The following ALG13 variants were observed in gnomAD, a reference collection of about 807,000 sequenced individuals.
ALG13 encodes the protein UDP-N-acetylglucosamine transferase subunit ALG13.
In ALG13, 11 loss-of-function variants were observed where a neutral mutation model predicts 87.8. The observed-to-expected ratio is 0.13, with a 90% CI of 0.08 to 0.21. The LOEUF (loss-of-function observed/expected upper bound fraction) is 0.21. Among genes scored for constraint, ALG13 ranks in the 10% least tolerant of loss-of-function variants. ALG13 has a pLI of 1.00. For missense variants in ALG13, 756 were observed against 866.1 expected (o/e 0.87, Z 1.60); for synonymous variants, 320 against 306.3 (o/e 1.04, Z -0.47).
chrX:111,735,053 T>C lies in ALG13; in HGVS notation c.2460T>C (p.Ser820=), dbSNP rs1360727142. The change falls in exon 22 of 27, where the codon TCT becomes TCC. Residue 820 remains serine, a splice_region_variant and synonymous_variant. Coordinates refer to ENST00000394780, the MANE Select transcript of ALG13 (RefSeq NM_001099922.3). Reference sequence around the variant, plus strand: ...TTAACTATATTTTTGTATTAAAGTCTCTTCAGGACAGAAAGTCATGTTCTA... The same window carrying C: ...TTAACTATATTTTTGTATTAAAGTCCCTTCAGGACAGAAAGTCATGTTCTA... The part of the protein sequence containing the change: ...YSTTASTANL[S]LQDRKSCSMS... The C allele has an allele frequency of 8.7e-7, 1 of 1,154,798 alleles. No individual in the cohort carries two copies. Among genetic ancestry groups the C allele is most frequent in the Non-Finnish European group, 1.2e-6 (1 of 849,144 alleles).
At chrX:111,741,016 A>G (rs1205289560) in intron 23 of ALG13, among the ~76,000 whole-genome samples, 1 of 112,425 alleles carries the variant, frequency 8.9e-6, no homozygotes, top group Non-Finnish European at 1.9e-5. Context: ...GATGGACATT[A>G]AACATCAGTA....
chrX:111,687,855 T>C (rs1935360684), intron 3 of ALG13: 1 of 1,123,975 alleles, frequency 8.9e-7, no homozygotes. Context: ...TTTTCTCCCA[T>C]GTTACCTAAT....
chrX:111,715,620 A>G (rs1426216286), intron 8 of ALG13, among the ~76,000 whole-genome samples: 1 of 112,204 alleles, frequency 8.9e-6, no homozygotes, highest in Non-Finnish European at 1.9e-5. Flanking sequence ...TGGGAGGCTG[A>G]GGCAGAAGAA....
chrX:111,722,073 C>T (rs1941456574), intron 12 of ALG13, among the ~76,000 whole-genome samples: 2 of 111,780 alleles, frequency 1.8e-5, no homozygotes, highest in African/African-American at 6.5e-5. Flanking sequence ...GACACACCAA[C>T]TGTTTTTATG....
At chrX:111,702,839 ATCTT>A (rs1938118872) in intron 3 of ALG13, among the ~76,000 whole-genome samples, 1 of 109,357 alleles carries the variant, frequency 9.1e-6, no homozygotes, top group African/African-American at 3.3e-5. Flanking sequence ...ACATTTTTGA[ATCTT>A]TTTTTTTTTC....
chrX:111,711,593 G>A (rs1488998013), intron 5 of ALG13, 82 bp from the exon 6 acceptor site: 10 of 909,140 alleles, frequency 1.1e-5, no homozygotes, highest in Admixed American at 2.7e-5. Flanking sequence ...AGCAAAAAAC[G>A]CATTGCAGGA....
rs764522101 is a variant in ALG13 at position 111,713,245 on chromosome X, G to A, written c.953G>A (p.Arg318His). The A allele has an allele frequency of 3.9e-5, 46 of 1,194,518 alleles. No homozygotes were observed. Among genetic ancestry groups the A allele is most frequent in the Non-Finnish European group, 4.6e-5 (41 of 884,292 alleles). The change falls in exon 8 of 27, where the codon CGC becomes CAC. Residue 318 changes from arginine (R) to histidine (H), a missense_variant. Arg to His is a conservative substitution (Grantham distance 29, BLOSUM62 0). Around this residue, in one of 9 missense-constraint regions of ALG13, gnomAD observed 60 missense variants for 54.5 expected, o/e 1.10. Transcript: ENST00000394780. ...LIYNRDFILY[R>H]FPGKPPTYVT... The stretch of plus-strand genomic sequence containing the variant: ...TATAGTCGGGATTTCATTCTTTATC[G>A]CTTTCCTGGAAAACCTCCAACTTAT...
chrX:111,720,683 G>A (rs188091570), intron 11 of ALG13, among the ~76,000 whole-genome samples: 6 of 111,596 alleles, frequency 5.4e-5, no homozygotes, highest in African/African-American at 1.9e-4. Context: ...TTTTGGAATA[G>A]TATTGAATAT....
At chrX:111,729,280 A>G (rs1942413509) in intron 19 of ALG13, among the ~76,000 whole-genome samples, 1 of 112,020 alleles carries the variant, frequency 8.9e-6, no homozygotes, top group Non-Finnish European at 1.9e-5. Flanking sequence ...GATACTGTAT[A>G]TCCCTATTGA....
chrX:111,721,049 C>T (rs761024361), intron 11 of ALG13, among the ~76,000 whole-genome samples: 5 of 101,329 alleles, frequency 4.9e-5, no homozygotes, highest in African/African-American at 1.4e-4. Flanking sequence ...TAATAAAGAA[C>T]GACGTGGTTT....
chrX:111,686,091 A>G (rs1378068240), intron 3 of ALG13: 1 of 903,932 alleles, frequency 1.1e-6, no homozygotes, highest in African/African-American at 2.0e-5. Flanking sequence ...GGAACTGATC[A>G]TCGTAATAGA....
rs894441946 is a variant in ALG13 at position 111,718,761 on chromosome X, T to C, written c.1250+487T>C. On this transcript the variant is annotated intron_variant, in intron 10 of 26. Transcript: ENST00000394780. ...GAGGTTAGTTGACACATCCAGCCAG[T>C]AGAAAATTTCTCAGTGTAAGTTTTG... Among the ~76,000 whole-genome samples the C allele has an allele frequency of 1.8e-5, 2 of 112,273 alleles. 1 individual carries two copies. The highest frequency in any genetic ancestry group is 6.5e-5 in the African/African-American group (2 of 30,906).
intron 19 of ALG13, among the ~76,000 whole-genome samples, chrX:111,729,549 A>G (rs1942449953): frequency 9.0e-6 from 1 of 111,656 alleles, no homozygotes; most frequent in Admixed American, 9.5e-5. Context: ...TTTTAGCTCT[A>G]TGGGTAGTGT....
intron 24 of ALG13, 168 bp from the exon 25 acceptor site, chrX:111,752,622 G>A (rs1051441657): frequency 1.1e-5 from 4 of 355,697 alleles, no homozygotes; most frequent in African/African-American, 2.8e-5. Context: ...CACCATGTTG[G>A]CCAGGATGGT....
chrX:111,720,277 G>T, intron 11 of ALG13, 107 bp downstream of exon 11: 1 of 449,894 alleles, frequency 2.2e-6, no homozygotes, highest in Admixed American at 4.9e-5. Flanking sequence ...GGTTGAGGGA[G>T]GAGTTGGTCA....
chrX:111,754,064 G>A (rs1036002059), intron 25 of ALG13, among the ~76,000 whole-genome samples: 2 of 111,720 alleles, frequency 1.8e-5, no homozygotes, highest in Non-Finnish European at 3.8e-5. Context: ...ACATTAAAAA[G>A]CTTATCCACC....
At position 111,736,791 on chromosome X, in the gene ALG13, G is replaced by A. The variant is rs746842727; in HGVS notation, c.2607G>A (p.Ala869=). 26 of 1,208,147 alleles carry A rather than the reference G, an allele frequency of 2.2e-5. No individual in the cohort carries two copies. The highest frequency in any genetic ancestry group is 8.8e-5 in the Admixed American group (4 of 45,611). The change falls in exon 23 of 27, where the codon GCG becomes GCA. Residue 869 remains alanine (A), a synonymous_variant. Transcript: ENST00000394780. ...VPAPVLSNGA[A]ANQAISTTSV... ...CTCCAGTCTTATCTAACGGTGCAGC[G>A]GCTAATCAAGCTATTAGTACCACTT...
At chrX:111,681,994 T>G in intron 1 of ALG13, 138 bp from the exon 2 acceptor site, 1 of 869,008 alleles carries the variant, frequency 1.2e-6, no homozygotes, top group South Asian at 4.5e-5. Flanking sequence ...TTTTGAAAAC[T>G]AAGTGAAATC....
chrX:111,743,907 A>T (rs772524666), intron 23 of ALG13: 1 of 93,336 alleles, frequency 1.1e-5, no homozygotes, highest in South Asian at 4.3e-4. Flanking sequence ...CATCTTTTGT[A>T]AAAAAAAAAA....
Sources: gnomAD v4.1 joint callset for allele counts (sites outside exome capture counted in the v4.1 genomes callset) on GRCh38, gnomAD v4.1.1 for gene constraint, gnomAD v4.1.1 regional missense constraint, MANE v1.5 for transcripts, NCBI Gene and HGNC (gene_info 2026-07-23, HGNC 2026-07-21) for gene names.